Variants in PCSK5 observed in about 807,000 individuals in gnomAD.
PCSK5 encodes proprotein convertase subtilisin/kexin type 5.
A neutral mutation model predicts 233.2 loss-of-function variants in PCSK5; 129 were observed. The ratio of observed to expected loss-of-function variants is 0.55; its 90% CI spans 0.48 to 0.64. The LOEUF (loss-of-function observed/expected upper bound fraction) is 0.64. Ranked by LOEUF, PCSK5 falls within the 30% of genes least tolerant of loss-of-function variation. The probability of loss-of-function intolerance (pLI) is 0.00; values close to 1 mark genes in which losing one functional copy is unlikely to be tolerated. For missense variants in PCSK5, 2,076 were observed against 2,430.1 expected (o/e 0.85, Z 3.06); for synonymous variants, 825 against 879.2 (o/e 0.94, Z 1.09).
chr9:76,079,261 G>A (rs1302404217), intron 7 of PCSK5, among the ~76,000 whole-genome samples: 1 of 151,378 alleles, frequency 6.6e-6, no homozygotes, highest in Non-Finnish European at 1.5e-5. Context: ...GCACTACCGT[G>A]CCCAGCTAAT....
rs975480746 is a variant in PCSK5, at chr9:76,189,857, C to G, written c.2626+111C>G. 9.8e-6 allele frequency: 6 copies of G among 611,760 alleles called. No individual in the cohort carries two copies. In the African/African-American group the frequency reaches 1.1e-4, roughly 11 times the overall value. 37.9% of individuals were successfully genotyped at this position (611,760 alleles called of 1,614,324 possible). ...AACTCACAGCATGCATCAGATATGA[C>G]ATGCTCAATATTTTGGTGGCATTCA... On this transcript the variant is annotated intron_variant, in intron 20 of 37. Coordinates refer to ENST00000674117, the MANE Select transcript of PCSK5 (RefSeq NM_001372043.1).
In PCSK5 at chr9:75,909,047, G is replaced by A. The variant is rs867397797; in HGVS notation, c.192+17674G>A. 4.0e-4 allele frequency among the ~76,000 whole-genome samples: 60 copies of A among 151,884 alleles called. 1 individual carries two copies. The Middle Eastern group carries it at 0.027, about 69-fold the overall frequency. On this transcript the variant is annotated intron_variant, in intron 1 of 37. Coordinates refer to ENST00000674117, the MANE Select transcript of PCSK5 (RefSeq NM_001372043.1). Reference sequence around the variant, plus strand: ...CCCCTAAACATAGGATTTCTGGGCCGGGTGCAGTGGCTCATGCCTGTAATA... The same window carrying A: ...CCCCTAAACATAGGATTTCTGGGCCAGGTGCAGTGGCTCATGCCTGTAATA...
chr9:76,264,090 G>C (rs975520876), intron 24 of PCSK5, among the ~76,000 whole-genome samples: 1 of 152,090 alleles, frequency 6.6e-6, no homozygotes, highest in East Asian at 1.9e-4. Flanking sequence ...AAACAGCATG[G>C]TATTTGTACA....
chr9:75,903,252 C>G (rs1826118475), intron 1 of PCSK5, among the ~76,000 whole-genome samples: 1 of 152,010 alleles, frequency 6.6e-6, no homozygotes, highest in East Asian at 1.9e-4. Context: ...ATAGATTGCT[C>G]TATCACATAT....
At chr9:75,931,473 A>G (rs2377426) in intron 1 of PCSK5, among the ~76,000 whole-genome samples, 42,423 of 152,082 alleles carry the variant, frequency 0.28, 6,204 homozygotes, top group East Asian at 0.5. Context: ...TAGAAAAGGA[A>G]AACAGAGACT....
chr9:76,235,674 G>A (rs1186171867), intron 22 of PCSK5, among the ~76,000 whole-genome samples: 2 of 152,190 alleles, frequency 1.3e-5, no homozygotes, highest in Non-Finnish European at 1.5e-5. Context: ...AATAATAGAT[G>A]AAGACCAAAT....
chr9:76,265,665 A>G (rs1323033580), intron 24 of PCSK5, among the ~76,000 whole-genome samples: 1 of 152,162 alleles, frequency 6.6e-6, no homozygotes, highest in East Asian at 1.9e-4. Context: ...TTGTGGTTAC[A>G]TGACAGAACA....
intron 1 of PCSK5, among the ~76,000 whole-genome samples, chr9:75,905,680 G>A (rs1826234890): frequency 6.6e-6 from 1 of 152,240 alleles, no homozygotes. Flanking sequence ...GTAAGGGGCA[G>A]GTGAGCCGCT....
chr9:76,024,544 A>G lies in PCSK5; in HGVS notation c.555+663A>G, dbSNP rs962697378. On this transcript the variant is annotated intron_variant, in intron 4 of 37. Coordinates refer to ENST00000674117, the MANE Select transcript of PCSK5 (RefSeq NM_001372043.1). ...TATCCATGGTCAGATAGAAGAATAG[A>G]AACTATGGCTGCCTGTGCCCCAGCA... Among the ~76,000 whole-genome samples the G allele has an allele frequency of 3.3e-5, 5 of 152,320 alleles. No individual in the cohort carries two copies. The East Asian group carries it at 7.7e-4, about 24-fold the overall frequency.
intron 3 of PCSK5, among the ~76,000 whole-genome samples, chr9:76,000,781 T>A (rs62555959): frequency 0.34 from 51,941 of 152,026 alleles, 9,358 homozygotes; most frequent in Non-Finnish European, 0.41. Context: ...AGAGAGAGCC[T>A]ATTCAAGTTG....
intron 1 of PCSK5, among the ~76,000 whole-genome samples, chr9:75,918,912 C>G (rs1006601429): frequency 1.3e-5 from 2 of 152,092 alleles, no homozygotes; most frequent in East Asian, 3.9e-4. Flanking sequence ...TTTTGCATTA[C>G]CTTTCCAACT....
Position 76,165,829 on chromosome 9 carries a change from G to A in PCSK5, c.1620-3875G>A, listed in dbSNP as rs575680367. Among the ~76,000 whole-genome samples, 6 of 152,336 alleles carry A rather than the reference G, an allele frequency of 3.9e-5. No homozygotes were observed. In the East Asian group the frequency reaches 5.8e-4, roughly 15 times the overall value. ...CTGATCTCTTCACTGTTGGCACAGC[G>A]TGGATGTTCACGCTGGGCATTAAGC... On this transcript the variant is annotated intron_variant, in intron 12 of 37. Transcript: ENST00000674117.
intron 20 of PCSK5, among the ~76,000 whole-genome samples, chr9:76,210,369 G>A (rs1253966601): frequency 3.9e-5 from 6 of 152,168 alleles, no homozygotes; most frequent in Non-Finnish European, 7.3e-5. Context: ...ATTGGTTGAG[G>A]ACAACTCCCG....
intron 5 of PCSK5, among the ~76,000 whole-genome samples, chr9:76,057,865 G>A (rs973137684): frequency 8.1e-6 from 1 of 123,648 alleles, no homozygotes; most frequent in Admixed American, 9.7e-5. Flanking sequence ...TTGAGACAGG[G>A]TCTCACTGTT....
intron 20 of PCSK5, among the ~76,000 whole-genome samples, chr9:76,203,655 C>T (rs1048074369): frequency 2.0e-5 from 3 of 152,030 alleles, no homozygotes; most frequent in East Asian, 1.9e-4. Flanking sequence ...CCAGCTGAGC[C>T]GCACCGTACC....
intron 14 of PCSK5, among the ~76,000 whole-genome samples, chr9:76,178,942 C>T (rs1421202984): frequency 6.6e-6 from 1 of 152,098 alleles, no homozygotes; most frequent in Non-Finnish European, 1.5e-5. Flanking sequence ...AGATTGGGAA[C>T]TTTCATCCCA....
intron 3 of PCSK5, among the ~76,000 whole-genome samples, chr9:76,005,221 C>A (rs1429159953): frequency 6.6e-6 from 1 of 152,124 alleles, no homozygotes; most frequent in African/African-American, 2.4e-5. Context: ...AGAGTATATT[C>A]CCTGAGGCAA....
chr9:76,081,892 C>T (rs1035960766), intron 7 of PCSK5, among the ~76,000 whole-genome samples: 2 of 152,118 alleles, frequency 1.3e-5, no homozygotes, highest in South Asian at 2.1e-4. Context: ...GCCTTCTTGT[C>T]CTCACAGTTA....
intron 2 of PCSK5, among the ~76,000 whole-genome samples, chr9:75,944,493 A>G (rs537411805): frequency 1.3e-5 from 2 of 151,994 alleles, no homozygotes; most frequent in South Asian, 2.1e-4. Context: ...TTCTCATCTG[A>G]CTCCACCTTT....
Sources: gnomAD v4.1 joint callset for allele counts (sites outside exome capture counted in the v4.1 genomes callset) on GRCh38, gnomAD v4.1.1 for gene constraint, MANE v1.5 for transcripts, NCBI Gene and HGNC (gene_info 2026-07-23, HGNC 2026-07-21) for gene names.